The following GPHN variants were observed in gnomAD, a reference collection of about 807,000 sequenced individuals.
The protein encoded by GPHN is gephyrin.
Under a neutral mutation model 95.5 loss-of-function variants are expected in GPHN, and 17 were observed. That is an observed-to-expected ratio of 0.18 (90% CI 0.12 to 0.27). GPHN has a LOEUF of 0.27. Ranked by LOEUF, GPHN falls within the 10% of genes least tolerant of loss-of-function variation. GPHN has a pLI of 1.00. For missense variants in GPHN, 660 were observed against 978.1 expected (o/e 0.67, Z 4.34); for synonymous variants, 320 against 322.5 (o/e 0.99, Z 0.08).
the GPHN span, among the ~76,000 whole-genome samples, chr14:67,491,475 A>C: frequency 1.3e-5 from 2 of 152,174 alleles, no homozygotes; most frequent in Non-Finnish European, 2.9e-5. Context: ...CAGTAACTTC[A>C]TTAGCATAAA....
At chr14:66,601,364 G>A (rs550117544) in intron 1 of GPHN, among the ~76,000 whole-genome samples, 1 of 152,086 alleles carries the variant, frequency 6.6e-6, no homozygotes, top group East Asian at 1.9e-4. Flanking sequence ...GAATCAATAA[G>A]ATTTCATCAA....
the GPHN span, chr14:67,585,558 GT>G: frequency 6.4e-7 from 1 of 1,563,932 alleles, no homozygotes; most frequent in Admixed American, 1.9e-5. Flanking sequence ...GGTTGTTTCT[GT>G]TTCCCCAGCC....
At chr14:67,398,140 C>T in the GPHN span, 7 of 230,314 alleles carry the variant, frequency 3.0e-5, no homozygotes, top group East Asian at 1.8e-4. Flanking sequence ...TATTTCCTTC[C>T]GGTCTTTTTT....
chr14:66,897,151 A>G (rs1211421394), intron 5 of GPHN, among the ~76,000 whole-genome samples: 1 of 152,112 alleles, frequency 6.6e-6, no homozygotes, highest in Non-Finnish European at 1.5e-5. Context: ...TCCAGTGGTA[A>G]CATCTTACAA....
intron 1 of GPHN, among the ~76,000 whole-genome samples, chr14:66,586,194 A>G (rs1342940045): frequency 1.3e-5 from 2 of 148,488 alleles, no homozygotes; most frequent in Non-Finnish European, 2.9e-5. Flanking sequence ...CTGTTTTATC[A>G]GAGACTAGGA....
chr14:66,858,083 G>A (rs1567027130), intron 4 of GPHN, among the ~76,000 whole-genome samples: 1 of 152,130 alleles, frequency 6.6e-6, no homozygotes, highest in Non-Finnish European at 1.5e-5. Context: ...AATTTGAAAG[G>A]CAGTCTGCGC....
the GPHN span, among the ~76,000 whole-genome samples, chr14:67,466,179 T>A: frequency 1.3e-5 from 2 of 152,254 alleles, no homozygotes; most frequent in Non-Finnish European, 2.9e-5. Flanking sequence ...TGGTGGACCC[T>A]TCTAAACCAG....
At chr14:66,653,538 T>A (rs911484515) in intron 1 of GPHN, among the ~76,000 whole-genome samples, 4 of 152,140 alleles carry the variant, frequency 2.6e-5, no homozygotes, top group Non-Finnish European at 5.9e-5. Flanking sequence ...GACATTTTCA[T>A]CAACACAAGG....
At chr14:67,095,232 T>C (rs996166592) in intron 12 of GPHN, among the ~76,000 whole-genome samples, 2 of 152,208 alleles carry the variant, frequency 1.3e-5, no homozygotes, top group Admixed American at 6.5e-5. Flanking sequence ...TTGTCTATAT[T>C]CAGTTTGATC....
the GPHN span, among the ~76,000 whole-genome samples, chr14:67,689,735 C>T: frequency 2.6e-5 from 4 of 152,208 alleles, no homozygotes; most frequent in South Asian, 2.1e-4. Context: ...CCTGAGGTCA[C>T]GAGTTCAAGA....
intron 4 of GPHN, among the ~76,000 whole-genome samples, chr14:66,852,741 A>G (rs528698770): frequency 2.6e-5 from 4 of 152,336 alleles, no homozygotes; most frequent in Non-Finnish European, 5.9e-5. Flanking sequence ...CTTTTGATAA[A>G]AAGAACAGTG....
intron 1 of GPHN, among the ~76,000 whole-genome samples, chr14:66,642,648 T>A (rs1305371072): frequency 6.6e-6 from 1 of 151,938 alleles, no homozygotes; most frequent in Non-Finnish European, 1.5e-5. Context: ...AAAATTGTGT[T>A]GTTTTGAGCT....
the GPHN span, among the ~76,000 whole-genome samples, chr14:67,282,686 A>T: frequency 6.6e-6 from 1 of 151,558 alleles, no homozygotes; most frequent in South Asian, 2.1e-4. Flanking sequence ...TAGTATTATA[A>T]ATGGTAAAAA....
At chr14:66,931,478 C>G (rs1323927487) in intron 8 of GPHN, among the ~76,000 whole-genome samples, 1 of 152,040 alleles carries the variant, frequency 6.6e-6, no homozygotes, top group Non-Finnish European at 1.5e-5. Context: ...TCTACCTTTT[C>G]TTTAAGGCCA....
intron 2 of GPHN, among the ~76,000 whole-genome samples, chr14:66,750,713 A>T (rs1485453139): frequency 6.6e-6 from 1 of 151,982 alleles, no homozygotes; most frequent in Non-Finnish European, 1.5e-5. Context: ...CAATGCTGAA[A>T]ATGTGATGCT....
At chr14:67,067,448 C>T (rs1323388365) in intron 11 of GPHN, among the ~76,000 whole-genome samples, 1 of 152,166 alleles carries the variant, frequency 6.6e-6, no homozygotes, top group Non-Finnish European at 1.5e-5. Flanking sequence ...ATTCTCAGAG[C>T]TCAAACGACG....
intron 2 of GPHN, among the ~76,000 whole-genome samples, chr14:66,743,522 G>C (rs2072982666): frequency 6.6e-6 from 1 of 151,988 alleles, no homozygotes. Context: ...GGATCACGAG[G>C]TGAGGAGATC....
intron 9 of GPHN, among the ~76,000 whole-genome samples, chr14:66,970,987 G>C (rs2069725404): frequency 6.6e-6 from 1 of 152,110 alleles, no homozygotes; most frequent in African/African-American, 2.4e-5. Flanking sequence ...CAATTATTAA[G>C]GACCCCAAAT....
At chr14:67,720,224 A>G in the GPHN span, among the ~76,000 whole-genome samples, 1 of 152,140 alleles carries the variant, frequency 6.6e-6, no homozygotes, top group Admixed American at 6.5e-5. Context: ...CTGCTATTTC[A>G]ATTGGGTTGT....
Sources: allele counts gnomAD v4.1 joint callset (sites outside exome capture counted in the v4.1 genomes callset), GRCh38; gene constraint gnomAD v4.1.1; transcripts MANE v1.5; gene names NCBI Gene and HGNC (gene_info 2026-07-23, HGNC 2026-07-21).